Variants in ZFAT observed in about 807,000 individuals in gnomAD.
The protein encoded by ZFAT is zinc finger and AT-hook domain containing.
ZFAT carries 64 observed loss-of-function variants against 117.7 expected under a neutral mutation model. The ratio of observed to expected loss-of-function variants is 0.54; its 90% CI spans 0.44 to 0.67. The LOEUF (loss-of-function observed/expected upper bound fraction) is 0.67. Ranked by LOEUF, ZFAT falls within the 30% of genes least tolerant of loss-of-function variation. The pLI is 0.00. For missense variants in ZFAT, 1,433 were observed against 1,584.5 expected (o/e 0.90, Z 1.62); for synonymous variants, 679 against 615.0 (o/e 1.10, Z -1.54).
chr8:134,605,169 G>A (rs1827789661), intron 5 of ZFAT, among the ~76,000 whole-genome samples: 1 of 152,198 alleles, frequency 6.6e-6, no homozygotes, highest in South Asian at 2.1e-4. Flanking sequence ...ACTGATGCCA[G>A]AGCTTCGATG....
chr8:134,623,383 C>G (rs1343473541), intron 3 of ZFAT, among the ~76,000 whole-genome samples: 1 of 152,198 alleles, frequency 6.6e-6, no homozygotes, highest in East Asian at 1.9e-4. Context: ...TACTCATGCC[C>G]CTCCTCCACT....
chr8:134,616,468 C>T (rs2130998892), intron 3 of ZFAT, among the ~76,000 whole-genome samples: 1 of 152,302 alleles, frequency 6.6e-6, no homozygotes, highest in Admixed American at 6.5e-5. Context: ...AGGACCCGAC[C>T]TAGAAGTCAT....
chr8:134,637,610 T>C lies in ZFAT; in HGVS notation c.299A>G (p.Asp100Gly), dbSNP rs770354356. The C allele has an allele frequency of 1.9e-6, 3 of 1,614,246 alleles. No individual in the cohort carries two copies. The highest frequency in any genetic ancestry group is 2.5e-6 in the Non-Finnish European group (3 of 1,180,056). The change falls in exon 3 of 16, where the codon GAC becomes GGC. Residue 100 changes from aspartate (D) to glycine (G), a missense_variant. Physicochemically the swap from Asp to Gly is moderately conservative, Grantham distance 94. This residue lies in a region of ZFAT where 436 missense variants were observed against 482.0 expected (regional missense o/e 0.90). Transcript: ENST00000377838. ...LAENIVSPTEDSPLAPEEGNS... is the reference protein window; with the variant it reads ...LAENIVSPTEGSPLAPEEGNS... ...CCCTTCCTCCGGAGCCAGCGGGCTG[T>C]CCTCAGTCGGACTCACGATGTTTTC...
chr8:134,565,464 A>G, intron 10 of ZFAT, 43 bp from the exon 11 acceptor site: 2 of 1,577,262 alleles, frequency 1.3e-6, no homozygotes, highest in Non-Finnish European at 1.7e-6. Context: ...CCAGGCCAAC[A>G]GCTCCCACTG....
intron 10 of ZFAT, among the ~76,000 whole-genome samples, chr8:134,580,162 G>A (rs555277788): frequency 6.6e-6 from 1 of 152,246 alleles, no homozygotes; most frequent in East Asian, 1.9e-4. Flanking sequence ...CCAGTTTACT[G>A]ATGAGGAAAG....
chr8:134,532,807 G>T, intron 12 of ZFAT, 27 bp downstream of exon 12: 1 of 1,606,174 alleles, frequency 6.2e-7, no homozygotes. Flanking sequence ...AGCGGGCAGG[G>T]CCCCAGCTCG....
intron 15 of ZFAT, among the ~76,000 whole-genome samples, chr8:134,488,619 G>A (rs980882757): frequency 6.6e-6 from 1 of 152,190 alleles, no homozygotes; most frequent in African/African-American, 2.4e-5. Context: ...TGAGAATTTA[G>A]CATGTGTCAG....
chr8:134,789,729 A>G, the ZFAT span, among the ~76,000 whole-genome samples: 2 of 152,238 alleles, frequency 1.3e-5, no homozygotes, highest in African/African-American at 4.8e-5. Flanking sequence ...TCTGAAAGAA[A>G]AGCAAAAGCA....
At chr8:134,595,383 G>A (rs1165750272) in intron 7 of ZFAT, among the ~76,000 whole-genome samples, 1 of 151,878 alleles carries the variant, frequency 6.6e-6, no homozygotes. Flanking sequence ...TGACTTGGGT[G>A]TTCTGTACAG....
chr8:134,753,878 T>A, the ZFAT span, among the ~76,000 whole-genome samples: 1 of 152,246 alleles, frequency 6.6e-6, no homozygotes, highest in African/African-American at 2.4e-5. Context: ...GATATTATGC[T>A]TAAAAAGACA....
chr8:134,717,068 A>C (rs1814219854), upstream of ZFAT, among the ~76,000 whole-genome samples: 1 of 152,204 alleles, frequency 6.6e-6, no homozygotes, highest in Non-Finnish European at 1.5e-5. Context: ...TTATGTTGGA[A>C]GTTAATGGAT....
At chr8:134,665,202 C>T (rs749701470) in intron 1 of ZFAT, among the ~76,000 whole-genome samples, 4 of 152,146 alleles carry the variant, frequency 2.6e-5, no homozygotes, top group Non-Finnish European at 5.9e-5. Flanking sequence ...AGACTGAGTC[C>T]CTTGCACTTA....
At chr8:134,755,539 C>T in the ZFAT span, among the ~76,000 whole-genome samples, 5 of 150,540 alleles carry the variant, frequency 3.3e-5, no homozygotes, top group South Asian at 4.2e-4. Flanking sequence ...CTGCCTGGTG[C>T]GGTGGCTCAT....
chr8:134,691,565 G>A (rs1833590056), intron 1 of ZFAT, among the ~76,000 whole-genome samples: 1 of 152,240 alleles, frequency 6.6e-6, no homozygotes, highest in African/African-American at 2.4e-5. Flanking sequence ...CCTGCTCGCT[G>A]GTTTTCAGAC....
chr8:134,560,419 G>A (rs911037273), intron 11 of ZFAT, among the ~76,000 whole-genome samples: 1 of 152,194 alleles, frequency 6.6e-6, no homozygotes, highest in African/African-American at 2.4e-5. Context: ...AGATGAAAAT[G>A]AGTGTCCCTT....
chr8:134,547,873 T>A (rs1224599461), intron 11 of ZFAT, among the ~76,000 whole-genome samples: 1 of 152,222 alleles, frequency 6.6e-6, no homozygotes, highest in African/African-American at 2.4e-5. Context: ...TGCTTGGTTA[T>A]CCTGGGCTGA....
intron 1 of ZFAT, among the ~76,000 whole-genome samples, chr8:134,698,862 G>A (rs1026625773): frequency 6.6e-6 from 1 of 152,174 alleles, no homozygotes; most frequent in Non-Finnish European, 1.5e-5. Flanking sequence ...CCCAATTCAA[G>A]CCCTTCTGTG....
the ZFAT span, among the ~76,000 whole-genome samples, chr8:134,778,645 C>T: frequency 6.6e-6 from 1 of 152,122 alleles, no homozygotes; most frequent in Non-Finnish European, 1.5e-5. Flanking sequence ...TTACCTATTA[C>T]AGTGTAGCAA....
At chr8:134,829,471 A>G in the ZFAT span, among the ~76,000 whole-genome samples, 1 of 152,232 alleles carries the variant, frequency 6.6e-6, no homozygotes, top group Non-Finnish European at 1.5e-5. Context: ...TTTGTCCCCA[A>G]ATACTTTTGG....
Sources: gnomAD v4.1 joint callset for allele counts (sites outside exome capture counted in the v4.1 genomes callset) on GRCh38, gnomAD v4.1.1 for gene constraint, gnomAD v4.1.1 regional missense constraint, MANE v1.5 for transcripts, NCBI Gene and HGNC (gene_info 2026-07-23, HGNC 2026-07-21) for gene names.